The following LRCH3 variants were observed in gnomAD, a reference collection of about 807,000 sequenced individuals.
LRCH3 encodes the protein leucine rich repeats and calponin homology domain containing 3.
In LRCH3, 68 loss-of-function variants were observed where a neutral mutation model predicts 104.5. The observed-to-expected ratio is 0.65, with a 90% CI of 0.54 to 0.80. LRCH3 has a LOEUF of 0.80. LRCH3 is among the 30% of genes least tolerant of loss of function. LRCH3 has a pLI of 0.00. For missense variants in LRCH3, 951 were observed against 953.9 expected (o/e 1.00, Z 0.04); for synonymous variants, 344 against 361.3 (o/e 0.95, Z 0.54).
At chr3:197,812,503 A>ATTTTTTTTTTTTTT (rs1439272123) in intron 1 of LRCH3, among the ~76,000 whole-genome samples, 2 of 8,592 alleles carry the variant, frequency 2.3e-4, no homozygotes, top group Non-Finnish European at 2.6e-4. Context: ...CTCTGCTTTC[A>ATTTTTTTTTTTTTT]GTTTTTTTTT....
At chr3:197,880,380 A>G (rs1458861260) in intron 20 of LRCH3, 23 of 708,884 alleles carry the variant, frequency 3.2e-5, no homozygotes, top group Middle Eastern at 2.5e-4. Flanking sequence ...TTGTTCCTCA[A>G]TGTAAAAATG....
intron 8 of LRCH3, 152 bp from the exon 9 acceptor site, chr3:197,835,522 T>G (rs1047565940): frequency 1.8e-5 from 20 of 1,081,784 alleles, no homozygotes; most frequent in Non-Finnish European, 2.4e-6. Context: ...AAAAAAAGAC[T>G]TAAGTAATTT....
chr3:197,800,619 G>A (rs564723142), intron 1 of LRCH3, among the ~76,000 whole-genome samples: 1 of 152,186 alleles, frequency 6.6e-6, no homozygotes, highest in African/African-American at 2.4e-5. Context: ...ATCCAGGAAG[G>A]TTTAAAATAC....
At chr3:197,791,227 G>C, upstream of LRCH3, 1 of 1,584,662 alleles carries the variant, frequency 6.3e-7, no homozygotes, top group Non-Finnish European at 8.6e-7. Flanking sequence ...CCACCCAGCG[G>C]TCCGGCCGCG....
intron 1 of LRCH3, among the ~76,000 whole-genome samples, chr3:197,797,687 C>A (rs2109099164): frequency 6.6e-6 from 1 of 151,754 alleles, no homozygotes; most frequent in African/African-American, 2.4e-5. Context: ...ACGGTGAAAC[C>A]CCGTCTCTAC....
At chr3:197,833,909 A>G (rs1340662382) in intron 8 of LRCH3, among the ~76,000 whole-genome samples, 2 of 152,228 alleles carry the variant, frequency 1.3e-5, no homozygotes, top group African/African-American at 4.8e-5. Flanking sequence ...ACATTTAAAA[A>G]ATGCATTTAT....
At chr3:197,870,006 A>G (rs1003917592) in intron 17 of LRCH3, among the ~76,000 whole-genome samples, 154 bp from the exon 18 acceptor site, 4 of 152,018 alleles carry the variant, frequency 2.6e-5, no homozygotes, top group African/African-American at 9.7e-5. Context: ...AAAGCCATGC[A>G]CTGTACCTGC....
chr3:197,883,550 T>C lies in LRCH3; in HGVS notation c.2218T>C (p.Cys740Arg). 6.5e-7 allele frequency: 1 copy of C among 1,536,004 alleles called. No individual in the cohort carries two copies. Among genetic ancestry groups the C allele is most frequent in the South Asian group, 1.2e-5 (1 of 84,014 alleles). ...ACGTTGTCCCTTTCAGGAGCAATTA[T>C]GTTTGCCTCTCCACATTTTAGAAGA... Reference protein sequence around the residue: ...RKIGVPQEQLCLPLHILEEKG... With the variant: ...RKIGVPQEQLRLPLHILEEKG... Residue 740 changes from cysteine (C) to arginine (R), a missense_variant, in exon 21 of 21, where the codon TGT becomes CGT. Coordinates refer to ENST00000425562, the MANE Select transcript of LRCH3 (RefSeq NM_001365715.1). The surrounding 1 kb of genome is among the most constrained non-coding windows in gnomAD (Gnocchi z 4.2).
chr3:197,881,474 G>GTGTGAC (rs1189349042), intron 20 of LRCH3: 2 of 985,348 alleles, frequency 2.0e-6, no homozygotes, highest in Non-Finnish European at 2.4e-6. Context: ...TGTTTGTTAT[G>GTGTGAC]TGTGACTGAG....
rs1235253771 is a variant in LRCH3, at chr3:197,826,949, C to T, written c.712C>T (p.Arg238Trp). The change falls in exon 5 of 21, where the codon CGG becomes TGG. Residue 238 changes from arginine (R) to tryptophan (W), a missense_variant. Physicochemically the swap from Arg to Trp is moderately radical, Grantham distance 101. Coordinates refer to ENST00000425562, the MANE Select transcript of LRCH3 (RefSeq NM_001365715.1). Reference sequence around the variant, plus strand: ...AATTACCACAATCCCTGTTTGTTATCGGAACCTCAGGCACCTACAGACGAT... The same window carrying T: ...AATTACCACAATCCCTGTTTGTTATTGGAACCTCAGGCACCTACAGACGAT... ...NKITTIPVCY[R>W]NLRHLQTITL... 10 of 1,613,964 alleles carry T rather than the reference C, an allele frequency of 6.2e-6. No homozygotes were observed. The highest frequency in any genetic ancestry group is 2.2e-5 in the East Asian group (1 of 44,886).
intron 18 of LRCH3, 46 bp from the exon 19 acceptor site, chr3:197,871,279 T>A (rs779877542): frequency 6.9e-7 from 1 of 1,439,658 alleles, no homozygotes; most frequent in Non-Finnish European, 9.8e-7. Flanking sequence ...GTCCTATATG[T>A]CAGTCTTTCT....
intron 10 of LRCH3, among the ~76,000 whole-genome samples, chr3:197,845,894 ACT>A (rs1464700648): frequency 1.3e-5 from 2 of 152,104 alleles, no homozygotes; most frequent in Admixed American, 6.6e-5. Flanking sequence ...ACAGGGCAAG[ACT>A]CTGTCTCAAA....
At chr3:197,878,704 A>C (rs1436872343) in intron 20 of LRCH3, among the ~76,000 whole-genome samples, 1 of 152,248 alleles carries the variant, frequency 6.6e-6, no homozygotes, top group Non-Finnish European at 1.5e-5. Context: ...AAGTGAAAGA[A>C]AATGAATAAA....
intron 17 of LRCH3, among the ~76,000 whole-genome samples, chr3:197,866,864 G>A (rs1741544057): frequency 6.6e-6 from 1 of 152,150 alleles, no homozygotes; most frequent in Non-Finnish European, 1.5e-5. Context: ...ATAAGGTCAG[G>A]CGTGGTGGCT....
At chr3:197,878,726 G>T (rs1163962872) in intron 20 of LRCH3, among the ~76,000 whole-genome samples, 1 of 152,180 alleles carries the variant, frequency 6.6e-6, no homozygotes, top group Non-Finnish European at 1.5e-5. Flanking sequence ...GCACAAACTC[G>T]TAGGTTCAAA....
At chr3:197,841,525 T>G (rs761487836) in intron 10 of LRCH3, among the ~76,000 whole-genome samples, 10 of 152,220 alleles carry the variant, frequency 6.6e-5, no homozygotes, top group Non-Finnish European at 1.2e-4. Context: ...TTAGTAACCT[T>G]AATTTCATCT....
chr3:197,791,546 C>T lies in LRCH3; in HGVS notation c.262+6C>T. On this transcript the variant is annotated splice_donor_region_variant and intron_variant, in intron 1 of 20. Coordinates refer to ENST00000425562, the MANE Select transcript of LRCH3 (RefSeq NM_001365715.1). ...GACGGACACCACCCGGGCGGGTGAG[C>T]GGGGCGGGGGGCGTCTCTGCCCGTC... 1.3e-6 allele frequency: 2 copies of T among 1,562,098 alleles called. No individual in the cohort carries two copies. The highest frequency in any genetic ancestry group is 2.5e-5 in the East Asian group (1 of 40,590).
At chr3:197,842,406 T>C (rs1737934665) in intron 10 of LRCH3, among the ~76,000 whole-genome samples, 1 of 152,190 alleles carries the variant, frequency 6.6e-6, no homozygotes, top group African/African-American at 2.4e-5. Flanking sequence ...TCAGAATGAC[T>C]GACAGCTCTC....
chr3:197,848,021 A>T lies in LRCH3; in HGVS notation c.1530A>T (p.Lys510Asn). The T allele has an allele frequency of 2.5e-6, 4 of 1,613,998 alleles. No individual in the cohort carries two copies. The highest frequency in any genetic ancestry group is 3.4e-6 in the Non-Finnish European group (4 of 1,179,924). The change falls in exon 12 of 21, where the codon AAA becomes AAT. Residue 510 changes from lysine to asparagine, a missense_variant and splice_region_variant. By Grantham distance (94) the Lys-to-Asn change is moderately conservative. Transcript: ENST00000425562. Reference protein sequence around the residue: ...IQRDAVLDFVKQKASQSPQKQ... With the variant: ...IQRDAVLDFVNQKASQSPQKQ... ...GAGATGCTGTCCTGGACTTTGTCAA[A>T]GTGAGTCGTTTGAATGATGCTGTTC...
Sources: allele counts gnomAD v4.1 joint callset (sites outside exome capture counted in the v4.1 genomes callset), GRCh38; gene constraint gnomAD v4.1.1; non-coding constraint Gnocchi (gnomAD v3.1); transcripts MANE v1.5; gene names NCBI Gene and HGNC (gene_info 2026-07-23, HGNC 2026-07-21).